The following IFIH1 variants were observed in gnomAD, a reference collection of about 807,000 sequenced individuals.
IFIH1 encodes interferon induced with helicase C domain 1, also known as interferon-induced helicase C domain-containing protein 1.
In IFIH1, 125 loss-of-function variants were observed where a neutral mutation model predicts 107.4. The observed-to-expected ratio is 1.16, with a 90% confidence interval of 1.01 to 1.35. IFIH1 has a LOEUF of 1.35. Ranked by LOEUF, IFIH1 falls within the 40% of genes most tolerant of loss-of-function variation. The probability of loss-of-function intolerance (pLI) is 0.00; values close to 1 mark genes in which losing one functional copy is unlikely to be tolerated. For synonymous variants in IFIH1, 458 were observed against 413.2 expected (o/e 1.11, Z -1.31); for missense variants, 1,333 against 1,213.7 (o/e 1.10, Z -1.46).
rs1690939108 is a variant in IFIH1 at position 162,267,106 on chromosome 2, T to C, written c.*94A>G. ...CAGAGTAAAACAATCATTTTATTGA[T>C]TCTTATGTCAGTTCTGTAGCATAAT... On this transcript the variant is annotated 3_prime_UTR_variant, in exon 16 of 16. Coordinates refer to ENST00000649979, the MANE Select transcript of IFIH1 (RefSeq NM_022168.4). The C allele has an allele frequency of 1.1e-6, 1 of 932,520 alleles. No homozygotes were observed. Among genetic ancestry groups the C allele is most frequent in the Non-Finnish European group, 1.6e-6 (1 of 619,406 alleles). The allele number at this position is 932,520 out of a possible 1,614,324, so 57.8% of individuals were successfully genotyped here.
At chr2:162,288,113 G>C (rs948596919) in intron 5 of IFIH1, 22 bp downstream of exon 5, 12 of 1,439,520 alleles carry the variant, frequency 8.3e-6, no homozygotes, top group African/African-American at 5.6e-5. Flanking sequence ...TGATCAACTA[G>C]TGTTATGTGT....
chr2:162,316,443 A>G (rs959372583), intron 1 of IFIH1, among the ~76,000 whole-genome samples: 11 of 152,220 alleles, frequency 7.2e-5, no homozygotes, highest in African/African-American at 2.7e-4. Context: ...AACATTACAG[A>G]CAACAGTGCA....
chr2:162,314,373 T>A (rs1265029525), intron 1 of IFIH1, among the ~76,000 whole-genome samples: 1 of 24,002 alleles, frequency 4.2e-5, no homozygotes, highest in Non-Finnish European at 9.5e-5. Context: ...CTTCCTTCCC[T>A]CCCTCCCTCC....
rs1292753437 is a variant in IFIH1 at position 162,282,411 on chromosome 2, G to A, written c.1261C>T (p.Leu421Phe). 6.2e-7 allele frequency: 1 copy of A among 1,611,576 alleles called. No homozygotes were observed. The highest frequency in any genetic ancestry group is 1.1e-5 in the South Asian group (1 of 90,894). The change falls in exon 6 of 16, where the codon CTC becomes TTC. Residue 421 changes from leucine to phenylalanine, a missense_variant. Transcript: ENST00000649979. The stretch of plus-strand genomic sequence containing the variant: ...TCTTCTCCATTTTCCAAGTTTAAGA[G>A]GGAGTTTTCAAGGATTTGAGCTGTA... ...ISTAQILENS[L>F]LNLENGEDAG...
intron 1 of IFIH1, among the ~76,000 whole-genome samples, chr2:162,315,773 A>G (rs1026921683): frequency 3.3e-5 from 5 of 152,180 alleles, no homozygotes; most frequent in African/African-American, 1.2e-4. Flanking sequence ...CACCACCTCA[A>G]TATAGATTAT....
chr2:162,285,014 G>A (rs1236764484), intron 5 of IFIH1, among the ~76,000 whole-genome samples: 2 of 151,964 alleles, frequency 1.3e-5, no homozygotes, highest in Non-Finnish European at 2.9e-5. Context: ...CCTGATACTC[G>A]CTCTGGGTGG....
At chr2:162,295,917 A>G (rs142066421) in intron 3 of IFIH1, among the ~76,000 whole-genome samples, 7 of 152,190 alleles carry the variant, frequency 4.6e-5, no homozygotes, top group African/African-American at 1.7e-4. Context: ...TAGATCTAGA[A>G]ATATAGGCTA....
rs984112552 is a variant in IFIH1, at chr2:162,306,872, T to C, written c.623-17A>G. On this transcript the variant is annotated splice_polypyrimidine_tract_variant and intron_variant, in intron 2 of 15. Transcript: ENST00000649979. ...TCTCAATCTCTGTGAATAACAGTATTAGAATGCAAATCATAGTGCCATACA... is the reference window on the plus strand; with the variant it reads ...TCTCAATCTCTGTGAATAACAGTATCAGAATGCAAATCATAGTGCCATACA... 1.8e-5 allele frequency: 29 copies of C among 1,612,112 alleles called. No individual in the cohort carries two copies. Among genetic ancestry groups the C allele is most frequent in the Non-Finnish European group, 2.2e-5 (26 of 1,178,662 alleles).
chr2:162,298,102 C>G (rs1045889878), intron 3 of IFIH1, among the ~76,000 whole-genome samples: 1 of 152,068 alleles, frequency 6.6e-6, no homozygotes, highest in Non-Finnish European at 1.5e-5. Context: ...CTTTTTAGAT[C>G]TATTTCAATG....
At chr2:162,305,905 G>A (rs189313331) in intron 3 of IFIH1, among the ~76,000 whole-genome samples, 1 of 152,302 alleles carries the variant, frequency 6.6e-6, no homozygotes, top group Admixed American at 6.5e-5. Context: ...CCAGCTTTGT[G>A]TTCAGTGATC....
At chr2:162,293,428 C>T (rs1416595014) in intron 4 of IFIH1, 136 bp downstream of exon 4, 5 of 571,928 alleles carry the variant, frequency 8.7e-6, no homozygotes, top group Non-Finnish European at 1.5e-5. Flanking sequence ...GGCAAAGTTC[C>T]AAAACTATTT....
At chr2:162,292,931 T>C in intron 4 of IFIH1, among the ~76,000 whole-genome samples, 1 of 151,708 alleles carries the variant, frequency 6.6e-6, no homozygotes, top group East Asian at 1.9e-4. Context: ...ACTAACAAAT[T>C]GGAAAACTGA....
intron 14 of IFIH1, 41 bp from the exon 15 acceptor site, chr2:162,267,610 C>A (rs932124179): frequency 4.3e-6 from 6 of 1,398,524 alleles, no homozygotes; most frequent in Admixed American, 3.4e-5. Context: ...GGAGAACTGA[C>A]AAAATACCAG....
intron 5 of IFIH1, among the ~76,000 whole-genome samples, chr2:162,286,607 A>G (rs2105207133): frequency 6.8e-6 from 1 of 147,550 alleles, no homozygotes; most frequent in East Asian, 2.0e-4. Context: ...ACAAAGAGAC[A>G]GGTAAATGGG....
rs1683562099 is a variant in IFIH1 at position 162,318,542 on chromosome 2, C to CGCGGCAGGCAGGT, written c.-248_-236dup. ...TGGGCAGCGGGGCGGCGCGCGGGGC[C>CGCGGCAGGCAGGT]GCGGCAGGCAGGTGCGGCCGGCAGG... On this transcript the variant is annotated 5_prime_UTR_variant, in exon 1 of 16. Transcript: ENST00000649979. 1 of 289,532 alleles carries CGCGGCAGGCAGGT rather than the reference C, an allele frequency of 3.5e-6. No individual in the cohort carries two copies. Among genetic ancestry groups the CGCGGCAGGCAGGT allele is most frequent in the East Asian group, 6.3e-5 (1 of 15,858 alleles). 17.9% of individuals were successfully genotyped at this position (289,532 alleles called of 1,614,324 possible).
At position 162,277,573 on chromosome 2, in the gene IFIH1, A is replaced by C. The variant is rs200980825; in HGVS notation, c.1886T>G (p.Phe629Cys). The C allele has an allele frequency of 6.2e-7, 1 of 1,610,860 alleles. No homozygotes were observed. The highest frequency in any genetic ancestry group is 1.1e-5 in the South Asian group (1 of 91,038). ...MIDAYTHLET[F>C]YNEEKDKKFA... ...CTTCTTATCTTTCTCTTCATTATAG[A>C]AAGTTTCAAGATGAGTATACGCATC... Residue 629 changes from phenylalanine (F) to cysteine (C), a missense_variant, in exon 10 of 16, where the codon TTC (phenylalanine) becomes TGC (cysteine). Physicochemically the swap from Phe to Cys is radical, Grantham distance 205. Transcript: ENST00000649979.
intron 8 of IFIH1, among the ~76,000 whole-genome samples, chr2:162,279,244 A>C (rs1682765366): frequency 6.6e-6 from 1 of 152,032 alleles, no homozygotes; most frequent in Admixed American, 6.6e-5. Flanking sequence ...TTAAAAAAAG[A>C]GATATACGGA....
chr2:162,268,970 C>T (rs1049557286), intron 13 of IFIH1, among the ~76,000 whole-genome samples: 3 of 142,922 alleles, frequency 2.1e-5, no homozygotes, highest in South Asian at 2.1e-4. Context: ...ACTGTTATTA[C>T]ATTACCAAGT....
intron 9 of IFIH1, 139 bp downstream of exon 9, chr2:162,278,066 T>C (rs1435220356): frequency 3.9e-5 from 27 of 693,958 alleles, no homozygotes; most frequent in South Asian, 3.7e-5. Context: ...ATGTTTATTA[T>C]GCTTGTCCTA....
Sources: allele counts gnomAD v4.1 joint callset (sites outside exome capture counted in the v4.1 genomes callset), GRCh38; gene constraint gnomAD v4.1.1; transcripts MANE v1.5; gene names NCBI Gene and HGNC (gene_info 2026-07-23, HGNC 2026-07-21).